Variants in SLC5A5 observed in about 807,000 individuals in gnomAD.
The protein encoded by SLC5A5 is sodium/iodide cotransporter.
In SLC5A5, 56 loss-of-function variants were observed where a neutral mutation model predicts 68.6. The observed-to-expected ratio is 0.82, with a 90% confidence interval of 0.66 to 1.02. SLC5A5 has a LOEUF of 1.02. Among genes scored for constraint, SLC5A5 ranks in the 50% least tolerant of loss-of-function variants. The pLI, the probability that SLC5A5 is intolerant of heterozygous loss-of-function variation, is 0.00. For synonymous variants in SLC5A5, 398 were observed against 373.0 expected (o/e 1.07, Z -0.77); for missense variants, 807 against 859.8 (o/e 0.94, Z 0.77).
intron 12 of SLC5A5, among the ~76,000 whole-genome samples, chr19:17,884,492 G>A (rs2094328900): frequency 6.6e-6 from 1 of 151,598 alleles, no homozygotes; most frequent in South Asian, 2.1e-4. Context: ...TTTAGGCCAG[G>A]CAGGCACAGT....
At chr19:17,883,140 T>A (rs78944640) in intron 10 of SLC5A5, among the ~76,000 whole-genome samples, 21,136 of 151,930 alleles carry the variant, frequency 0.14, 1,980 homozygotes, top group Non-Finnish European at 0.2. Flanking sequence ...TAAAACTTGT[T>A]TTTAGAGACA....
In SLC5A5 at chr19:17,874,644, G is replaced by C; in HGVS notation, c.476-20G>C. 1 of 1,614,142 alleles carries C rather than the reference G, an allele frequency of 6.2e-7. No individual in the cohort carries two copies. Among genetic ancestry groups the C allele is most frequent in the Non-Finnish European group, 8.5e-7 (1 of 1,180,006 alleles). On this transcript the variant is annotated intron_variant, in intron 3 of 14. Coordinates refer to ENST00000222248, the MANE Select transcript of SLC5A5 (RefSeq NM_000453.3). ...TGCGCCCCGCCCAGGGGCCTAACAG[G>C]GGGACCTCTTTTTGCATAGTGACCG...
chr19:17,880,811 GC>G lies in SLC5A5; in HGVS notation c.970-50del, dbSNP rs2094318939. 5 of 1,312,498 alleles carry G rather than the reference GC, an allele frequency of 3.8e-6. No individual in the cohort carries two copies. The South Asian group carries it at 5.9e-5, about 15-fold the overall frequency. 81.3% of individuals were successfully genotyped at this position (1,312,498 alleles called of 1,614,324 possible). A position where few individuals can be genotyped will look rare whatever the true frequency, so the allele number is the denominator to read the frequency against. ...ACGTGCAGCATCAGGACAGATAGAT[GC>G]CCCGGTCCTCGGGGTGCAGCTGTCT... On this transcript the variant is annotated intron_variant, in intron 7 of 14. Transcript: ENST00000222248.
chr19:17,872,256 C>A lies in SLC5A5; in HGVS notation c.-64C>A. The A allele has an allele frequency of 1.1e-6, 1 of 935,318 alleles. No homozygotes were observed. 57.9% of individuals were successfully genotyped at this position (935,318 alleles called of 1,614,324 possible). On this transcript the variant is annotated 5_prime_UTR_variant, in exon 1 of 15. Transcript: ENST00000222248. ...CCCCGTCCTGCCTCCTCGGCCCCTG[C>A]CAGCTTCCCCCGCTTGAGCACGCAG...
At chr19:17,882,336 A>T in intron 10 of SLC5A5, 117 bp downstream of exon 10, 2 of 785,346 alleles carry the variant, frequency 2.5e-6, no homozygotes, top group Admixed American at 2.3e-5. Context: ...ACTCACTTCT[A>T]TGTTTTTTTT....
At chr19:17,886,017 C>T (rs753881117) in intron 12 of SLC5A5, among the ~76,000 whole-genome samples, 5 of 151,880 alleles carry the variant, frequency 3.3e-5, no homozygotes, top group Non-Finnish European at 5.9e-5. Context: ...TATGCCACCA[C>T]GCTTGGGTAA....
At chr19:17,892,631 C>G (rs1429059178) in intron 14 of SLC5A5, among the ~76,000 whole-genome samples, 1 of 131,970 alleles carries the variant, frequency 7.6e-6, no homozygotes, top group Non-Finnish European at 1.6e-5. Flanking sequence ...CAGCCAGACA[C>G]TGTCAGAAAG....
chr19:17,888,496 C>A, intron 13 of SLC5A5, 41 bp downstream of exon 13: 1 of 1,610,542 alleles, frequency 6.2e-7, no homozygotes, highest in Non-Finnish European at 8.5e-7. Context: ...TCATCCCATT[C>A]ATCTCTCTGC....
intron 13 of SLC5A5, among the ~76,000 whole-genome samples, chr19:17,889,447 A>AAGGAAGGAAG (rs1461020225): frequency 4.0e-5 from 6 of 149,458 alleles, no homozygotes; most frequent in East Asian, 2.0e-4. Context: ...GGAAGGAAAG[A>AAGGAAGGAAG]GAAAGAGAGA....
chr19:17,875,096 G>A (rs1351781197), intron 4 of SLC5A5, among the ~76,000 whole-genome samples: 6 of 152,086 alleles, frequency 3.9e-5, no homozygotes, highest in Admixed American at 1.3e-4. Context: ...GCGGCCGGGC[G>A]CGGTGGCTCA....
At chr19:17,889,447 A>AAGGAAGGAAGGAAG (rs1461020225) in intron 13 of SLC5A5, among the ~76,000 whole-genome samples, 2 of 149,482 alleles carry the variant, frequency 1.3e-5, no homozygotes, top group East Asian at 2.0e-4. Flanking sequence ...GGAAGGAAAG[A>AAGGAAGGAAGGAAG]GAAAGAGAGA....
chr19:17,877,773 G>C lies in SLC5A5; in HGVS notation c.749G>C (p.Gly250Ala), dbSNP rs2094310884. 2 of 1,614,242 alleles carry C rather than the reference G, an allele frequency of 1.2e-6. No homozygotes were observed. The highest frequency in any genetic ancestry group is 1.7e-6 in the Non-Finnish European group (2 of 1,180,040). The change falls in exon 6 of 15, where the codon GGT (glycine) becomes GCT (alanine). Residue 250 changes from glycine to alanine, a missense_variant. Transcript: ENST00000222248. ...SRYTFWTFVV[G>A]GTLVWLSMYG... Reference sequence around the variant, plus strand: ...TATACATTCTGGACTTTTGTGGTGGGTGGCACGTTGGTGTGGCTCTCCATG... The same window carrying C: ...TATACATTCTGGACTTTTGTGGTGGCTGGCACGTTGGTGTGGCTCTCCATG...
intron 5 of SLC5A5, 82 bp downstream of exon 5, chr19:17,876,188 G>A: frequency 2.1e-6 from 3 of 1,451,422 alleles, no homozygotes; most frequent in Non-Finnish European, 1.9e-6. Flanking sequence ...CCAGCACTTT[G>A]GGAGGCCGAG....
rs749157460 is a variant in SLC5A5 at position 17,880,919 on chromosome 19, C to A, written c.1024C>A (p.Leu342Ile). The part of the protein sequence containing the change: ...IFEDLPGVPG[L>I]FLACAYSGTL... ...CGAAGATCTGCCTGGAGTCCCCGGGCTTTTCCTGGCCTGTGCTTACAGTGG... is the reference window on the plus strand; with the variant it reads ...CGAAGATCTGCCTGGAGTCCCCGGGATTTTCCTGGCCTGTGCTTACAGTGG... The change falls in exon 8 of 15, where the codon CTT becomes ATT. Residue 342 changes from leucine to isoleucine, a missense_variant. Physicochemically the swap from Leu to Ile is conservative, Grantham distance 5. Coordinates refer to ENST00000222248, the MANE Select transcript of SLC5A5 (RefSeq NM_000453.3). 1 of 1,614,030 alleles carries A rather than the reference C, an allele frequency of 6.2e-7. No homozygotes were observed. Among genetic ancestry groups the A allele is most frequent in the Non-Finnish European group, 8.5e-7 (1 of 1,179,978 alleles).
intron 7 of SLC5A5, among the ~76,000 whole-genome samples, chr19:17,880,255 T>C (rs1402495447): frequency 1.3e-5 from 2 of 149,436 alleles, no homozygotes; most frequent in African/African-American, 4.9e-5. Flanking sequence ...GGCTCTGTTG[T>C]GCAGGCTGGA....
In SLC5A5 at chr19:17,888,456, G is replaced by C. The variant is rs2030014246; in HGVS notation, c.1651+1G>C. The C allele has an allele frequency of 6.2e-7, 1 of 1,613,668 alleles. No individual in the cohort carries two copies. Among genetic ancestry groups the C allele is most frequent in the Non-Finnish European group, 8.5e-7 (1 of 1,179,956 alleles). The stretch of plus-strand genomic sequence containing the variant: ...GGAGCCCTCATCAGCTGCCTGACAG[G>C]TAGGTAAACAGAGCATGTGGCCTCA... On this transcript the variant is annotated splice_donor_variant, in intron 13 of 14. Transcript: ENST00000222248. LOFTEE classifies it high-confidence loss of function.
chr19:17,879,577 G>T (rs990879938), intron 7 of SLC5A5, among the ~76,000 whole-genome samples: 1 of 152,106 alleles, frequency 6.6e-6, no homozygotes, highest in Non-Finnish European at 1.5e-5. Context: ...GTCGGGGGGC[G>T]GTGCCAGGAC....
intron 13 of SLC5A5, among the ~76,000 whole-genome samples, chr19:17,890,165 G>C (rs932338223): frequency 6.6e-6 from 1 of 152,026 alleles, no homozygotes; most frequent in African/African-American, 2.4e-5. Context: ...CTGACTCCCG[G>C]GTTCAAGCAA....
Position 17,883,893 on chromosome 19 carries a change from G to C in SLC5A5, c.1373G>C (p.Trp458Ser). The C allele has an allele frequency of 1.3e-6, 2 of 1,573,374 alleles. No individual in the cohort carries two copies. The highest frequency in any genetic ancestry group is 1.7e-6 in the Non-Finnish European group (2 of 1,161,018). Residue 458 changes from tryptophan (W) to serine (S), a missense_variant, in exon 12 of 15, where the codon TGG becomes TCG. Coordinates refer to ENST00000222248, the MANE Select transcript of SLC5A5 (RefSeq NM_000453.3). Reference sequence around the variant, plus strand: ...GGCGCGGGCTTGGCGCTGTCGCTGTGGGTGGCCTTGGGCGCCACGCTGTAC... The same window carrying C: ...GGCGCGGGCTTGGCGCTGTCGCTGTCGGTGGCCTTGGGCGCCACGCTGTAC... ...GLGAGLALSLWVALGATLYPP... is the reference protein window; with the variant it reads ...GLGAGLALSLSVALGATLYPP...
Sources: gnomAD v4.1 joint callset for allele counts (sites outside exome capture counted in the v4.1 genomes callset) on GRCh38, gnomAD v4.1.1 for gene constraint, MANE v1.5 for transcripts, NCBI Gene and HGNC (gene_info 2026-07-23, HGNC 2026-07-21) for gene names.